Variants in ROBO2 observed in about 807,000 individuals in gnomAD.
The protein encoded by ROBO2 is roundabout homolog 2.
In ROBO2, 53 loss-of-function variants were observed where a neutral mutation model predicts 160.8. That is an observed-to-expected ratio of 0.33 (90% CI 0.26 to 0.41). ROBO2 has a LOEUF of 0.41. ROBO2 is among the 10% of genes least tolerant of loss of function. ROBO2 has a pLI of 1.00. For synonymous variants in ROBO2, 664 were observed against 611.7 expected, an observed-to-expected ratio of 1.09 and a Z score of -1.26; for missense variants, 1,577 against 1,722.4, an observed-to-expected ratio of 0.92 and a Z score of 1.49.
rs568574010 is a variant in ROBO2, at chr3:77,533,730, C to T, written c.934+10828C>T. Among the ~76,000 whole-genome samples the T allele has an allele frequency of 4.6e-5, 7 of 152,192 alleles. No homozygotes were observed. In the South Asian group the frequency reaches 8.3e-4, roughly 18 times the overall value. On this transcript the variant is annotated intron_variant, in intron 6 of 25. Transcript: ENST00000461745. ...TAAAGATCCAGAGTATTAAGTAAGG[C>T]GCAGCTGATGAATCAACCCATTCTG...
intron 2 of ROBO2, among the ~76,000 whole-genome samples, chr3:76,784,101 G>A (rs555892717): frequency 6.6e-6 from 1 of 151,108 alleles, no homozygotes; most frequent in Non-Finnish European, 1.5e-5. Context: ...GAAATTCATA[G>A]ATCTCCATTT....
chr3:77,396,341 G>A (rs1251292832), intron 2 of ROBO2, among the ~76,000 whole-genome samples: 5 of 152,118 alleles, frequency 3.3e-5, no homozygotes, highest in Non-Finnish European at 7.4e-5. Context: ...ATTTCTTTCT[G>A]TATTTTTCAG....
At chr3:75,979,570 A>AT (rs1050966289) in intron 2 of ROBO2, among the ~76,000 whole-genome samples, 1 of 151,456 alleles carries the variant, frequency 6.6e-6, no homozygotes, top group Non-Finnish European at 1.5e-5. Context: ...CTGGCACATA[A>AT]TTTTTAGAGT....
At chr3:76,745,105 A>G (rs1384685859) in intron 2 of ROBO2, among the ~76,000 whole-genome samples, 1 of 152,146 alleles carries the variant, frequency 6.6e-6, no homozygotes, top group Non-Finnish European at 1.5e-5. Flanking sequence ...CCTTAAGTAT[A>G]TTTGAGGATT....
chr3:77,617,329 T>C (rs1271340433), intron 21 of ROBO2, among the ~76,000 whole-genome samples, 184 bp from the exon 23 acceptor site: 3 of 152,210 alleles, frequency 2.0e-5, no homozygotes, highest in African/African-American at 7.2e-5. Flanking sequence ...CAGATGTAAT[T>C]ACAATTAGAA....
chr3:77,329,944 C>A (rs954071233), intron 2 of ROBO2, among the ~76,000 whole-genome samples: 1 of 152,136 alleles, frequency 6.6e-6, no homozygotes. Context: ...AGGAAGAATT[C>A]TTGGAGATGA....
intron 2 of ROBO2, among the ~76,000 whole-genome samples, chr3:76,607,402 C>G (rs1450435621): frequency 6.6e-6 from 1 of 152,070 alleles, no homozygotes; most frequent in Non-Finnish European, 1.5e-5. Flanking sequence ...ACATTTTCCC[C>G]AATATTTTGA....
intron 2 of ROBO2, among the ~76,000 whole-genome samples, chr3:75,952,292 T>C (rs758889552): frequency 2.0e-5 from 3 of 151,964 alleles, no homozygotes; most frequent in Non-Finnish European, 2.9e-5. Context: ...TGAAAATGCT[T>C]TTACTCTAAT....
chr3:77,374,341 A>C (rs2072321859), intron 2 of ROBO2, among the ~76,000 whole-genome samples: 1 of 152,118 alleles, frequency 6.6e-6, no homozygotes, highest in African/African-American at 2.4e-5. Context: ...TGAAATAATA[A>C]GTTGAAGTGA....
intron 12 of ROBO2, among the ~76,000 whole-genome samples, chr3:77,567,322 A>G (rs1000372168): frequency 1.3e-5 from 2 of 152,106 alleles, no homozygotes; most frequent in South Asian, 2.1e-4. Flanking sequence ...GAGAAAAACA[A>G]TTCAACAACA....
intron 2 of ROBO2, among the ~76,000 whole-genome samples, chr3:77,231,401 GAC>G (rs2087190431): frequency 7.8e-6 from 1 of 128,974 alleles, no homozygotes; most frequent in African/African-American, 2.9e-5. Context: ...TAAGCTAAAA[GAC>G]ACTAAGCTAA....
chr3:76,201,592 A>G (rs1292610928), intron 2 of ROBO2, among the ~76,000 whole-genome samples: 1 of 152,134 alleles, frequency 6.6e-6, no homozygotes, highest in Non-Finnish European at 1.5e-5. Context: ...GGTTGCCGTT[A>G]CCCTCTTCAA....
At chr3:76,921,062 A>G (rs2148990603) in intron 2 of ROBO2, among the ~76,000 whole-genome samples, 1 of 152,324 alleles carries the variant, frequency 6.6e-6, no homozygotes, top group African/African-American at 2.4e-5. Flanking sequence ...AAGCTACAGT[A>G]ATAAATTTTT....
chr3:77,144,316 T>C (rs2076952848), intron 2 of ROBO2, among the ~76,000 whole-genome samples: 1 of 152,200 alleles, frequency 6.6e-6, no homozygotes, highest in African/African-American at 2.4e-5. Flanking sequence ...CTGCTGGGCT[T>C]GCAATTTGTC....
intron 2 of ROBO2, among the ~76,000 whole-genome samples, chr3:76,322,239 T>A (rs2072623551): frequency 6.8e-6 from 1 of 147,202 alleles, no homozygotes; most frequent in Non-Finnish European, 1.5e-5. Context: ...AGACATTATA[T>A]AGTGTACATT....
intron 2 of ROBO2, among the ~76,000 whole-genome samples, chr3:76,396,642 A>C (rs961726344): frequency 6.6e-6 from 1 of 152,174 alleles, no homozygotes; most frequent in Non-Finnish European, 1.5e-5. Flanking sequence ...ATAAAAAATC[A>C]ATGTACAAAA....
At chr3:76,525,380 GAAA>G (rs1263814862) in intron 2 of ROBO2, among the ~76,000 whole-genome samples, 1 of 151,628 alleles carries the variant, frequency 6.6e-6, no homozygotes, top group African/African-American at 2.4e-5. Context: ...TTAAAATAAG[GAAA>G]AATCCCATGA....
intron 2 of ROBO2, among the ~76,000 whole-genome samples, chr3:76,455,844 G>T (rs2077722087): frequency 6.6e-6 from 1 of 152,072 alleles, no homozygotes; most frequent in Non-Finnish European, 1.5e-5. Context: ...GTTTTTATTT[G>T]TCTGCATGTC....
At chr3:77,033,341 A>C (rs2063439215) in intron 2 of ROBO2, among the ~76,000 whole-genome samples, 1 of 152,230 alleles carries the variant, frequency 6.6e-6, no homozygotes, top group Admixed American at 6.5e-5. Flanking sequence ...GGTTTACTTA[A>C]GAACACTGTG....
Sources: allele counts gnomAD v4.1 joint callset (sites outside exome capture counted in the v4.1 genomes callset), GRCh38; gene constraint gnomAD v4.1.1; transcripts MANE v1.5; gene names NCBI Gene and HGNC (gene_info 2026-07-23, HGNC 2026-07-21).